ROR1: variants seen among roughly 807,000 people sequenced by gnomAD.
ROR1 encodes the protein ROR family WNT receptor 1, also known as inactive tyrosine-protein kinase transmembrane receptor ROR1.
Under a neutral mutation model 78.8 loss-of-function variants are expected in ROR1, and 19 were observed. The ratio of observed to expected loss-of-function variants is 0.24; its 90% CI spans 0.17 to 0.35. The LOEUF (loss-of-function observed/expected upper bound fraction) is 0.35, where lower values mean the gene tolerates loss of function less well. ROR1 is among the 10% of genes least tolerant of loss of function. The pLI, the probability that ROR1 is intolerant of heterozygous loss-of-function variation, is 1.00. For missense variants in ROR1, 917 were observed against 1,177.8 expected, an observed-to-expected ratio of 0.78 and a Z score of 3.24; for synonymous variants, 386 against 433.6, an observed-to-expected ratio of 0.89 and a Z score of 1.36.
At chr1:64,026,012 G>T (rs979387352) in intron 2 of ROR1, among the ~76,000 whole-genome samples, 1 of 152,156 alleles carries the variant, frequency 6.6e-6, no homozygotes, top group Non-Finnish European at 1.5e-5. Context: ...AAAAGGTATG[G>T]AAATAATTTT....
intron 4 of ROR1, among the ~76,000 whole-genome samples, chr1:64,089,527 A>G (rs1647179124): frequency 6.6e-6 from 1 of 152,198 alleles, no homozygotes; most frequent in African/African-American, 2.4e-5. Flanking sequence ...CAGTACATTA[A>G]GAACTGTTCG....
chr1:64,024,105 G>T (rs188178729), intron 2 of ROR1, among the ~76,000 whole-genome samples: 1 of 152,242 alleles, frequency 6.6e-6, no homozygotes, highest in African/African-American at 2.4e-5. Flanking sequence ...CCGGCCATGT[G>T]GAAATGTGAG....
rs150039547 is a variant in ROR1, at chr1:64,131,348, G to A, written c.483-6021G>A. Reference sequence around the variant, plus strand: ...GTGGGATTGCCAAGTCACTGTCCCCGGCATTCCATTTGAAGAGCCATGAGA... The same window carrying A: ...GTGGGATTGCCAAGTCACTGTCCCCAGCATTCCATTTGAAGAGCCATGAGA... On this transcript the variant is annotated intron_variant, in intron 4 of 8. Coordinates refer to ENST00000371079, the MANE Select transcript of ROR1 (RefSeq NM_005012.4). Among the ~76,000 whole-genome samples, 292 of 152,140 alleles carry A rather than the reference G, an allele frequency of 1.9e-3. 1 individual carries two copies. Among genetic ancestry groups the A allele is most frequent in the African/African-American group, 6.7e-3 (276 of 41,494 alleles).
At chr1:64,034,245 G>T (rs1366957376) in intron 2 of ROR1, among the ~76,000 whole-genome samples, 1 of 151,724 alleles carries the variant, frequency 6.6e-6, no homozygotes, top group Admixed American at 6.6e-5. Flanking sequence ...TCAGTCCTGG[G>T]GGTTCTGATT....
At chr1:63,903,047 G>A (rs1645498643) in intron 1 of ROR1, among the ~76,000 whole-genome samples, 1 of 152,138 alleles carries the variant, frequency 6.6e-6, no homozygotes, top group South Asian at 2.1e-4. Flanking sequence ...CATCTCATGT[G>A]CCAAAACCAT....
intron 1 of ROR1, among the ~76,000 whole-genome samples, chr1:63,917,367 G>A (rs747980587): frequency 2.6e-5 from 4 of 152,076 alleles, no homozygotes; most frequent in Non-Finnish European, 5.9e-5. Context: ...AAGAAAAAAA[G>A]CAATCACAGT....
At chr1:64,144,955 T>C (rs1243699390) in intron 7 of ROR1, among the ~76,000 whole-genome samples, 3 of 152,198 alleles carry the variant, frequency 2.0e-5, no homozygotes, top group Non-Finnish European at 4.4e-5. Context: ...ATTTTTCTTA[T>C]CAGTAAAATG....
intron 1 of ROR1, among the ~76,000 whole-genome samples, chr1:64,003,368 A>G (rs1307244831): frequency 6.6e-6 from 1 of 152,188 alleles, no homozygotes; most frequent in Non-Finnish European, 1.5e-5. Flanking sequence ...ACTGCAATAT[A>G]GGTAGTGTGA....
At chr1:63,908,674 CT>C (rs1335591414) in intron 1 of ROR1, among the ~76,000 whole-genome samples, 2 of 152,232 alleles carry the variant, frequency 1.3e-5, no homozygotes, top group Non-Finnish European at 2.9e-5. Flanking sequence ...TGCATCTCCC[CT>C]GATAGGCTTA....
intron 4 of ROR1, among the ~76,000 whole-genome samples, chr1:64,066,342 G>T (rs1365938309): frequency 4.8e-5 from 7 of 147,360 alleles, no homozygotes; most frequent in African/African-American, 1.8e-4. Context: ...TTTTGATATG[G>T]AATCTCCCTC....
At chr1:64,125,877 T>C (rs1021667328) in intron 4 of ROR1, among the ~76,000 whole-genome samples, 1 of 152,134 alleles carries the variant, frequency 6.6e-6, no homozygotes, top group Non-Finnish European at 1.5e-5. Flanking sequence ...ACAAACCAAG[T>C]TATATGTACT....
intron 4 of ROR1, among the ~76,000 whole-genome samples, chr1:64,101,007 A>G (rs1324363): frequency 0.4 from 60,115 of 152,134 alleles, 13,349 homozygotes; most frequent in Non-Finnish European, 0.51. Flanking sequence ...AGATGCTGGC[A>G]CGTAGTGCAT....
intron 1 of ROR1, among the ~76,000 whole-genome samples, chr1:63,935,548 T>C (rs1391060080): frequency 2.0e-5 from 3 of 152,238 alleles, no homozygotes; most frequent in Non-Finnish European, 4.4e-5. Context: ...ATTTACCACA[T>C]GGTTTTTAAA....
chr1:63,798,523 T>C (rs965893666), intron 1 of ROR1, among the ~76,000 whole-genome samples: 8 of 152,168 alleles, frequency 5.3e-5, no homozygotes, highest in African/African-American at 1.2e-4. Context: ...TCCGCTGCCA[T>C]AGAGAGGAGG....
rs568957404 is a variant in ROR1 at position 63,898,399 on chromosome 1, TA to T, written c.92-110899del. 7.4e-3 allele frequency among the ~76,000 whole-genome samples: 803 copies of T among 108,974 alleles called. 17 individuals are homozygous for T. Among genetic ancestry groups the T allele is most frequent in the African/African-American group, 3.9e-3 (117 of 30,174 alleles). 71.5% of individuals were successfully genotyped at this position (108,974 alleles called of 152,430 possible). A position where few individuals can be genotyped will look rare whatever the true frequency, so the allele number is the denominator to read the frequency against. On this transcript the variant is annotated intron_variant, in intron 1 of 8. Coordinates refer to ENST00000371079, the MANE Select transcript of ROR1 (RefSeq NM_005012.4). Reference sequence around the variant, plus strand: ...TTTTGGATAAAGGAGGTTTTTTTTTTAAAAAAAGGAAAGAATAAAAGAAGAA... The same window carrying T: ...TTTTGGATAAAGGAGGTTTTTTTTTTAAAAAAGGAAAGAATAAAAGAAGAA...
intron 6 of ROR1, among the ~76,000 whole-genome samples, chr1:64,141,709 A>G (rs929463780): frequency 7.2e-5 from 11 of 152,118 alleles, no homozygotes; most frequent in Non-Finnish European, 1.6e-4. Flanking sequence ...TTTGATCGTT[A>G]ATACTATTTT....
At chr1:63,941,656 A>C (rs1645841649) in intron 1 of ROR1, among the ~76,000 whole-genome samples, 1 of 152,300 alleles carries the variant, frequency 6.6e-6, no homozygotes, top group South Asian at 2.1e-4. Flanking sequence ...TCTAACTGCA[A>C]AGATGTGTAG....
intron 1 of ROR1, among the ~76,000 whole-genome samples, chr1:63,967,033 G>C (rs540129386): frequency 6.6e-6 from 1 of 152,238 alleles, no homozygotes; most frequent in African/African-American, 2.4e-5. Flanking sequence ...GAGCCCACCA[G>C]GTTTGGGATT....
chr1:64,051,241 G>A (rs1427543436), intron 4 of ROR1, among the ~76,000 whole-genome samples: 1 of 151,984 alleles, frequency 6.6e-6, no homozygotes, highest in East Asian at 1.9e-4. Flanking sequence ...CACGAGGTCA[G>A]GAGATTGAGA....
Sources: allele counts gnomAD v4.1 joint callset (sites outside exome capture counted in the v4.1 genomes callset), GRCh38; gene constraint gnomAD v4.1.1; transcripts MANE v1.5; gene names NCBI Gene and HGNC (gene_info 2026-07-23, HGNC 2026-07-21).